MAP3K7: variants seen among roughly 807,000 people sequenced by gnomAD.
MAP3K7 encodes the protein TGF-beta activated kinase 1.
MAP3K7 carries 21 observed loss-of-function variants against 84.8 expected under a neutral mutation model. The ratio of observed to expected loss-of-function variants is 0.25; its 90% CI spans 0.18 to 0.36. MAP3K7 has a LOEUF of 0.36. MAP3K7 is among the 10% of genes least tolerant of loss of function. The probability of loss-of-function intolerance (pLI) is 1.00; values close to 1 mark genes in which losing one functional copy is unlikely to be tolerated. For synonymous variants in MAP3K7, 241 were observed against 247.7 expected (o/e 0.97, Z 0.25); for missense variants, 503 against 747.7 (o/e 0.67, Z 3.82).
At chr6:90,559,187 T>C (rs1432345845) in intron 5 of MAP3K7, among the ~76,000 whole-genome samples, 1 of 152,218 alleles carries the variant, frequency 6.6e-6, no homozygotes, top group Non-Finnish European at 1.5e-5. Context: ...AGAGATAAGA[T>C]ACATAGCAAG....
chr6:90,571,969 T>G (rs540696556), intron 1 of MAP3K7, among the ~76,000 whole-genome samples, 162 bp from the exon 2 acceptor site: 1 of 150,238 alleles, frequency 6.7e-6, no homozygotes, highest in Admixed American at 6.6e-5. Context: ...ACTGAACAAG[T>G]ATGAATTTTT....
In MAP3K7 at chr6:90,586,853, A is replaced by T; in HGVS notation, c.31T>A (p.Ser11Thr). Reference protein sequence around the residue: MSTASAASSSSSSSAGEMIEA... With the variant: MSTASAASSSTSSSAGEMIEA... Reference sequence around the variant, plus strand: ...ATCATCTCACCGGCCGAAGACGAGGAGGAGGAGGAGGCGGCAGAGGCTGTA... The same window carrying T: ...ATCATCTCACCGGCCGAAGACGAGGTGGAGGAGGAGGCGGCAGAGGCTGTA... Residue 11 changes from serine to threonine, a missense_variant, in exon 1 of 17, where the codon TCC becomes ACC. Physicochemically the swap from Ser to Thr is moderately conservative, Grantham distance 58. Coordinates refer to ENST00000369329, the MANE Select transcript of MAP3K7 (RefSeq NM_145331.3). 1.9e-6 allele frequency: 3 copies of T among 1,611,140 alleles called. No homozygotes were observed. The highest frequency in any genetic ancestry group is 2.5e-6 in the Non-Finnish European group (3 of 1,178,580).
At chr6:90,544,499 G>T in intron 12 of MAP3K7, 53 bp downstream of exon 12, 1 of 1,475,912 alleles carries the variant, frequency 6.8e-7, no homozygotes, top group Non-Finnish European at 9.5e-7. Flanking sequence ...AAGTACCAGG[G>T]ATCATTATTC....
At chr6:90,520,678 A>T (rs1775120569) in intron 14 of MAP3K7, among the ~76,000 whole-genome samples, 1 of 143,768 alleles carries the variant, frequency 7.0e-6, no homozygotes, top group Non-Finnish European at 1.6e-5. Flanking sequence ...TAAGGCACTT[A>T]CCCTTACCCT....
chr6:90,577,796 C>T (rs748970586), intron 1 of MAP3K7, among the ~76,000 whole-genome samples: 16 of 152,196 alleles, frequency 1.1e-4, no homozygotes, highest in Non-Finnish European at 1.5e-4. Flanking sequence ...TAGAGTCTGA[C>T]GGTAAGGCCA....
chr6:90,565,875 T>C (rs1776686518), intron 3 of MAP3K7, among the ~76,000 whole-genome samples: 2 of 152,152 alleles, frequency 1.3e-5, no homozygotes, highest in African/African-American at 4.8e-5. Context: ...ACGATCAAGT[T>C]GGCCTCATCC....
intron 1 of MAP3K7, among the ~76,000 whole-genome samples, chr6:90,582,920 T>A (rs568023961): frequency 6.7e-6 from 1 of 149,862 alleles, no homozygotes; most frequent in Non-Finnish European, 1.5e-5. Context: ...TCTCCCTCTG[T>A]TGTCCAGGCT....
At chr6:90,558,451 T>C (rs1415191445) in intron 5 of MAP3K7, among the ~76,000 whole-genome samples, 2 of 152,318 alleles carry the variant, frequency 1.3e-5, no homozygotes, top group East Asian at 3.9e-4. Flanking sequence ...CTTTCTGAAC[T>C]AGAATCAATT....
At position 90,516,033 on chromosome 6, in the gene MAP3K7, T is replaced by C. The variant is rs558476264; in HGVS notation, c.*468A>G. 5.9e-6 allele frequency: 1 copy of C among 169,056 alleles called. No individual in the cohort carries two copies. The highest frequency in any genetic ancestry group is 1.5e-4 in the South Asian group (1 of 6,526). The allele number at this position is 169,056 out of a possible 1,614,324, so 10.5% of individuals were successfully genotyped here. ...TAATATACCACCAATCACTCTAAATTTATAATACCCTGTCTTTAACTTGGT... is the reference window on the plus strand; with the variant it reads ...TAATATACCACCAATCACTCTAAATCTATAATACCCTGTCTTTAACTTGGT... On this transcript the variant is annotated 3_prime_UTR_variant, in exon 17 of 17. Coordinates refer to ENST00000369329, the MANE Select transcript of MAP3K7 (RefSeq NM_145331.3).
rs1241491802 is a variant in MAP3K7 at position 90,560,060 on chromosome 6, C to A, written c.482+16G>T. 6.2e-7 allele frequency: 1 copy of A among 1,614,084 alleles called. No individual in the cohort carries two copies. Among genetic ancestry groups the A allele is most frequent in the African/African-American group, 1.3e-5 (1 of 75,024 alleles). Reference sequence around the variant, plus strand: ...AGGAGGAAGAGGCTGAGGGGTGTCACATTATTATAACTTACTTTGGTGGTT... The same window carrying A: ...AGGAGGAAGAGGCTGAGGGGTGTCAAATTATTATAACTTACTTTGGTGGTT... On this transcript the variant is annotated intron_variant, in intron 5 of 16. Coordinates refer to ENST00000369329, the MANE Select transcript of MAP3K7 (RefSeq NM_145331.3).
chr6:90,516,062 T>C lies in MAP3K7; in HGVS notation c.*439A>G, dbSNP rs1774949683. The C allele has an allele frequency of 1.1e-5, 2 of 189,204 alleles. No individual in the cohort carries two copies. Among genetic ancestry groups the C allele is most frequent in the African/African-American group, 2.4e-5 (1 of 41,598 alleles). The allele number at this position is 189,204 out of a possible 1,614,324, so 11.7% of individuals were successfully genotyped here. On this transcript the variant is annotated 3_prime_UTR_variant, in exon 17 of 17. Transcript: ENST00000369329. ...AATACCCTGTCTTTAACTTGGTATATACCATCTTTTGGGAAAAAAATTATT... is the reference window on the plus strand; with the variant it reads ...AATACCCTGTCTTTAACTTGGTATACACCATCTTTTGGGAAAAAAATTATT...
intron 1 of MAP3K7, among the ~76,000 whole-genome samples, chr6:90,580,095 T>A (rs936920171): frequency 6.6e-6 from 1 of 152,134 alleles, no homozygotes; most frequent in Admixed American, 6.5e-5. Context: ...ATCAAGAACA[T>A]AAAATCGTGG....
intron 13 of MAP3K7, among the ~76,000 whole-genome samples, chr6:90,529,609 T>C (rs1036988572): frequency 5.3e-5 from 8 of 152,180 alleles, no homozygotes. Context: ...TAAGACTCAA[T>C]AGGAAAATAA....
chr6:90,541,750 T>C (rs1306971697), intron 12 of MAP3K7, among the ~76,000 whole-genome samples: 1 of 152,006 alleles, frequency 6.6e-6, no homozygotes, highest in Non-Finnish European at 1.5e-5. Context: ...TGGCATAGTA[T>C]ACACATTTTG....
intron 9 of MAP3K7, among the ~76,000 whole-genome samples, chr6:90,548,889 T>C (rs1776090059): frequency 6.6e-6 from 1 of 151,074 alleles, no homozygotes; most frequent in South Asian, 2.1e-4. Flanking sequence ...AGATGAGAAA[T>C]GAAAATGATT....
At chr6:90,576,536 C>G (rs1023576009) in intron 1 of MAP3K7, among the ~76,000 whole-genome samples, 1 of 151,932 alleles carries the variant, frequency 6.6e-6, no homozygotes, top group Non-Finnish European at 1.5e-5. Flanking sequence ...CTTATTTACT[C>G]CAATATGTGA....
At chr6:90,567,402 A>G (rs1222979876) in intron 3 of MAP3K7, among the ~76,000 whole-genome samples, 1 of 152,252 alleles carries the variant, frequency 6.6e-6, no homozygotes, top group Non-Finnish European at 1.5e-5. Flanking sequence ...AAGTGGGCAA[A>G]GGATATGAAC....
chr6:90,554,539 G>A (rs544395223), intron 6 of MAP3K7, among the ~76,000 whole-genome samples: 2 of 152,294 alleles, frequency 1.3e-5, no homozygotes, highest in African/African-American at 4.8e-5. Flanking sequence ...ATGCTAAGCA[G>A]TACACTGTAA....
At chr6:90,521,253 TTTGC>T (rs1157629283) in intron 14 of MAP3K7, among the ~76,000 whole-genome samples, 2 of 87,130 alleles carry the variant, frequency 2.3e-5, no homozygotes, top group Non-Finnish European at 4.7e-5. Flanking sequence ...ATGAAAGTTT[TTTGC>T]GTGTGTGTGT....
Sources: gnomAD v4.1 joint callset for allele counts (sites outside exome capture counted in the v4.1 genomes callset) on GRCh38, gnomAD v4.1.1 for gene constraint, MANE v1.5 for transcripts, NCBI Gene and HGNC (gene_info 2026-07-23, HGNC 2026-07-21) for gene names.